The following CPS1 variants were observed in gnomAD, a reference collection of about 807,000 sequenced individuals.
CPS1 encodes the protein carbamoyl-phosphate synthase [ammonia], mitochondrial.
Under a neutral mutation model 174.6 loss-of-function variants are expected in CPS1, and 109 were observed. That is an observed-to-expected ratio of 0.62 (90% CI 0.53 to 0.73). The LOEUF is 0.73. CPS1 is among the 30% of genes least tolerant of loss of function. The probability of loss-of-function intolerance (pLI) is 0.00; values close to 1 mark genes in which losing one functional copy is unlikely to be tolerated. For missense variants in CPS1, 1,689 were observed against 1,821.9 expected (o/e 0.93, Z 1.33); for synonymous variants, 637 against 632.0 (o/e 1.01, Z -0.12).
intron 1 of CPS1, among the ~76,000 whole-genome samples, chr2:210,516,192 T>C (rs1163240979): frequency 6.6e-6 from 1 of 151,782 alleles, no homozygotes; most frequent in Admixed American, 6.6e-5. Flanking sequence ...GGGTGGAGTA[T>C]TTTTAGGTGT....
chr2:210,645,194 A>G (rs1474152173), intron 25 of CPS1, among the ~76,000 whole-genome samples: 1 of 152,138 alleles, frequency 6.6e-6, no homozygotes, highest in African/African-American at 2.4e-5. Flanking sequence ...CCCTGTGGGA[A>G]AACCTGCACG....
rs1431290191 is a variant in CPS1 at position 210,677,223 on chromosome 2, C to T, written c.4404+87C>T. ...GTGTAATCAGTAGATGCACATCTCT[C>T]TTTTCCCCTCTTTGTAACTTTCAGA... On this transcript the variant is annotated intron_variant, in intron 37 of 37. Coordinates refer to ENST00000233072, the MANE Select transcript of CPS1 (RefSeq NM_001875.5). The T allele has an allele frequency of 3.2e-6, 4 of 1,264,440 alleles. No individual in the cohort carries two copies. The Admixed American group carries it at 5.2e-5, about 16-fold the overall frequency. The allele number at this position is 1,264,440 out of a possible 1,614,324, so 78.3% of individuals were successfully genotyped here. A position where few individuals can be genotyped will look rare whatever the true frequency, so the allele number is the denominator to read the frequency against.
chr2:210,531,399 G>C (rs552276051), intron 1 of CPS1, among the ~76,000 whole-genome samples: 56 of 152,164 alleles, frequency 3.7e-4, no homozygotes, highest in African/African-American at 1.3e-3. Context: ...TAGGATTTCT[G>C]TTTCTTTGGT....
At chr2:210,545,012 CA>C (rs1696524998) in intron 1 of CPS1, among the ~76,000 whole-genome samples, 1 of 152,030 alleles carries the variant, frequency 6.6e-6, no homozygotes, top group East Asian at 1.9e-4. Flanking sequence ...TTCTTTCCTT[CA>C]GAGGAGATAA....
At chr2:210,510,291 T>A (rs574846450) in intron 1 of CPS1, among the ~76,000 whole-genome samples, 31 of 151,992 alleles carry the variant, frequency 2.0e-4, no homozygotes, top group African/African-American at 6.3e-4. Flanking sequence ...GATTCCCTAT[T>A]TAATAAATGG....
chr2:210,494,605 C>A (rs922155936), intron 1 of CPS1, among the ~76,000 whole-genome samples: 2 of 152,014 alleles, frequency 1.3e-5, no homozygotes, highest in Non-Finnish European at 2.9e-5. Context: ...CTTTCAGCTT[C>A]AAATATCATT....
rs576969671 is a variant in CPS1 at position 210,603,112 on chromosome 2, G to A, written c.1836+782G>A. Reference sequence around the variant, plus strand: ...AGAACAGTGCCTGGAAATACCAGGAGTTCAATAATGTCTTTGAAGAATGAT... The same window carrying A: ...AGAACAGTGCCTGGAAATACCAGGAATTCAATAATGTCTTTGAAGAATGAT... On this transcript the variant is annotated intron_variant, in intron 16 of 37. Transcript: ENST00000233072. Among the ~76,000 whole-genome samples, 4 of 152,028 alleles carry A rather than the reference G, an allele frequency of 2.6e-5. No homozygotes were observed. The South Asian group carries it at 8.3e-4, about 31-fold the overall frequency.
chr2:210,678,412 CT>C lies in CPS1; in HGVS notation c.*429del, dbSNP rs1465016073. 4 of 197,796 alleles carry C rather than the reference CT, an allele frequency of 2.0e-5. No homozygotes were observed. The highest frequency in any genetic ancestry group is 4.2e-5 in the Non-Finnish European group (4 of 95,682). The allele number at this position is 197,796 out of a possible 1,614,324, so 12.3% of individuals were successfully genotyped here. A position where few individuals can be genotyped will look rare whatever the true frequency, so the allele number is the denominator to read the frequency against. On this transcript the variant is annotated 3_prime_UTR_variant, in exon 38 of 38. Coordinates refer to ENST00000233072, the MANE Select transcript of CPS1 (RefSeq NM_001875.5). ...TTAACAGGGCAGAATACTCTAAAAA[CT>C]TGATAAAATTAAATATAGATTTAAT...
In CPS1 at chr2:210,515,846, C is replaced by T. The variant is rs192628530; in HGVS notation, c.3+38080C>T. On this transcript the variant is annotated intron_variant, in intron 1 of 38. Coordinates refer to the CPS1 transcript ENST00000430249. ...TGAGGTGGGTATTTAGTGCTATAATCTTTTGTCATAACATTGCTTTTGCTG... is the reference window on the plus strand; with the variant it reads ...TGAGGTGGGTATTTAGTGCTATAATTTTTTGTCATAACATTGCTTTTGCTG... Among the ~76,000 whole-genome samples the T allele has an allele frequency of 2.7e-3, 409 of 151,774 alleles. 1 individual carries two copies. Among genetic ancestry groups the T allele is most frequent in the Non-Finnish European group, 5.0e-3 (341 of 67,802 alleles).
intron 1 of CPS1, among the ~76,000 whole-genome samples, chr2:210,507,969 C>T (rs144888042): frequency 0.16 from 24,865 of 151,154 alleles, 2,147 homozygotes; most frequent in Admixed American, 0.25. Flanking sequence ...GACAGATCAA[C>T]GAGACAGAAA....
chr2:210,639,698 A>G (rs558765287), intron 23 of CPS1, among the ~76,000 whole-genome samples: 4 of 152,074 alleles, frequency 2.6e-5, no homozygotes, highest in Non-Finnish European at 5.9e-5. Context: ...TCTTTTAAGA[A>G]CTGCCTTAAG....
At chr2:210,585,757 T>TA (rs1698087961) in intron 6 of CPS1, among the ~76,000 whole-genome samples, 1 of 151,960 alleles carries the variant, frequency 6.6e-6, no homozygotes, top group African/African-American at 2.4e-5. Context: ...TCACTCCTTA[T>TA]ACCTTTTACA....
intron 1 of CPS1, among the ~76,000 whole-genome samples, chr2:210,486,115 T>TACACACACACACACACACAC (rs60740361): frequency 1.5e-5 from 2 of 135,664 alleles, no homozygotes; most frequent in African/African-American, 2.9e-5. Context: ...CACACACACA[T>TACACACACACACACACACAC]ACACACACAC....
At chr2:210,639,405 G>A (rs2105897765) in intron 23 of CPS1, among the ~76,000 whole-genome samples, 190 bp downstream of exon 23, 1 of 151,820 alleles carries the variant, frequency 6.6e-6, no homozygotes, top group South Asian at 2.1e-4. Context: ...GAGGTCAGGA[G>A]ATCGAGACCA....
intron 1 of CPS1, among the ~76,000 whole-genome samples, chr2:210,499,745 G>C (rs1350481063): frequency 1.3e-5 from 2 of 152,132 alleles, no homozygotes; most frequent in Non-Finnish European, 2.9e-5. Flanking sequence ...GGGATCCCCA[G>C]TGGAAAGGTG....
At chr2:210,620,298 G>C (rs991793752) in intron 21 of CPS1, among the ~76,000 whole-genome samples, 1 of 152,024 alleles carries the variant, frequency 6.6e-6, no homozygotes, top group Non-Finnish European at 1.5e-5. Flanking sequence ...AGATATTATG[G>C]AAATAACTGA....
At chr2:210,641,899 T>C (rs1272604217) in intron 24 of CPS1, among the ~76,000 whole-genome samples, 2 of 152,244 alleles carry the variant, frequency 1.3e-5, no homozygotes, top group Non-Finnish European at 2.9e-5. Flanking sequence ...AGGCCATTAT[T>C]ACACTTCAGA....
chr2:210,667,755 C>G (rs142501744), intron 33 of CPS1, among the ~76,000 whole-genome samples: 88 of 152,250 alleles, frequency 5.8e-4, no homozygotes, highest in African/African-American at 2.0e-3. Flanking sequence ...TAAATTCATG[C>G]ACGGCTGCAT....
At chr2:210,562,077 A>G (rs954755762) in intron 1 of CPS1, among the ~76,000 whole-genome samples, 1 of 152,216 alleles carries the variant, frequency 6.6e-6, no homozygotes, top group Admixed American at 6.5e-5. Flanking sequence ...CACATAGCAG[A>G]TGCTCAGTAA....
Sources: allele counts gnomAD v4.1 joint callset (sites outside exome capture counted in the v4.1 genomes callset), GRCh38; gene constraint gnomAD v4.1.1; transcripts MANE v1.5; gene names NCBI Gene and HGNC (gene_info 2026-07-23, HGNC 2026-07-21).